Variants in TMEM183A observed in about 807,000 individuals in gnomAD.
TMEM183A encodes chromosome 1 open reading frame 37.
A neutral mutation model predicts 46.7 loss-of-function variants in TMEM183A; 21 were observed. That is an observed-to-expected ratio of 0.45 (90% CI 0.32 to 0.65). The LOEUF is 0.65. TMEM183A is among the 30% of genes least tolerant of loss of function. TMEM183A has a pLI of 0.04. For synonymous variants in TMEM183A, 165 were observed against 180.2 expected, an observed-to-expected ratio of 0.92 and a Z score of 0.68; for missense variants, 331 against 481.9, an observed-to-expected ratio of 0.69 and a Z score of 2.93.
At chr1:203,010,132 C>CT (rs1164507406) in intron 3 of TMEM183A, among the ~76,000 whole-genome samples, 4 of 122,834 alleles carry the variant, frequency 3.3e-5, no homozygotes, top group Non-Finnish European at 5.2e-5. Flanking sequence ...GAGCAAGACT[C>CT]TGTCTCAAAA....
intron 6 of TMEM183A, 142 bp from the exon 7 acceptor site, chr1:203,020,651 T>TATA (rs1657571562): frequency 3.8e-6 from 4 of 1,039,166 alleles, no homozygotes; most frequent in Non-Finnish European, 4.1e-6. Flanking sequence ...TTCTTTGATC[T>TATA]CTGTATAGAA....
At position 203,016,023 on chromosome 1, in the gene TMEM183A, C is replaced by G. The variant is rs1200924982; in HGVS notation, c.591C>G (p.Arg197=). 2.5e-6 allele frequency: 4 copies of G among 1,613,960 alleles called. No individual in the cohort carries two copies. The highest frequency in any genetic ancestry group is 3.4e-6 in the Non-Finnish European group (4 of 1,179,918). The part of the protein sequence containing the change: ...RLRPESMEKL[R]CLRACVIRSL... ...GACCAGAGTCAATGGAGAAGCTGCG[C>G]TGTCTCCGGGCTTGTGTGATCCGAT... Residue 197 remains arginine, a synonymous_variant, in exon 5 of 8, where the codon CGC becomes CGG. Coordinates refer to ENST00000367242, the MANE Select transcript of TMEM183A (RefSeq NM_138391.6).
At position 203,020,891 on chromosome 1, in the gene TMEM183A, G is replaced by A. The variant is rs369710855; in HGVS notation, c.888G>A (p.Gln296=). 118 of 1,613,404 alleles carry A rather than the reference G, an allele frequency of 7.3e-5. No homozygotes were observed. The highest frequency in any genetic ancestry group is 9.7e-5 in the Non-Finnish European group (115 of 1,179,926). The change falls in exon 7 of 8, where the codon CAG becomes CAA. Residue 296 remains glutamine (Q), a synonymous_variant. Transcript: ENST00000367242. ...TNPDQDCCLL[Q]VTTLNFIFIP... Reference sequence around the variant, plus strand: ...CAGACCAGGACTGCTGCCTACTGCAGGTCACCACCCTCAATTTCATCTTTA... The same window carrying A: ...CAGACCAGGACTGCTGCCTACTGCAAGTCACCACCCTCAATTTCATCTTTA...
chr1:203,012,148 T>TCACACACACA (rs767000280), intron 3 of TMEM183A, among the ~76,000 whole-genome samples: 2,096 of 79,430 alleles, frequency 0.026, 254 homozygotes, highest in Non-Finnish European at 0.034. Flanking sequence ...CCCCACTCCA[T>TCACACACACA]CACACACACA....
rs749115582 is a variant in TMEM183A, at chr1:203,007,550, G to A, written c.85G>A (p.Ala29Thr). The A allele has an allele frequency of 6.5e-7, 1 of 1,547,932 alleles. No homozygotes were observed. The highest frequency in any genetic ancestry group is 8.7e-7 in the Non-Finnish European group (1 of 1,152,728). Reference sequence around the variant, plus strand: ...GAGAGGAAAGCGACTCAAGTTCCGGGCCCACGACGCCTGCTCCGGCCGAGG... The same window carrying A: ...GAGAGGAAAGCGACTCAAGTTCCGGACCCACGACGCCTGCTCCGGCCGAGG... ...PKRGKRLKFR[A>T]HDACSGRVTV... The change falls in exon 1 of 8, where the codon GCC (alanine) becomes ACC (threonine). Residue 29 changes from alanine to threonine, a missense_variant. Physicochemically the swap from Ala to Thr is moderately conservative, Grantham distance 58. Around this residue, in one of 2 missense-constraint regions of TMEM183A, gnomAD observed 98 missense variants for 96.1 expected, o/e 1.02. Coordinates refer to ENST00000367242, the MANE Select transcript of TMEM183A (RefSeq NM_138391.6).
intron 5 of TMEM183A, among the ~76,000 whole-genome samples, chr1:203,017,079 T>C (rs1657236849): frequency 6.6e-6 from 1 of 152,216 alleles, no homozygotes; most frequent in African/African-American, 2.4e-5. Context: ...ATTATCGAGG[T>C]TCCCCCCAGC....
chr1:203,019,139 A>G (rs1041761711), intron 6 of TMEM183A, among the ~76,000 whole-genome samples: 4 of 152,220 alleles, frequency 2.6e-5, no homozygotes, highest in Admixed American at 2.6e-4. Flanking sequence ...GGAAATGCCT[A>G]TTGGAGCATT....
At chr1:203,016,835 C>T (rs1449958243) in intron 5 of TMEM183A, among the ~76,000 whole-genome samples, 1 of 152,110 alleles carries the variant, frequency 6.6e-6, no homozygotes. Context: ...GTCTACTAGC[C>T]TTTGGTCCAT....
intron 7 of TMEM183A, among the ~76,000 whole-genome samples, chr1:203,021,195 G>A (rs1325488322): frequency 6.6e-6 from 1 of 151,904 alleles, no homozygotes; most frequent in African/African-American, 2.4e-5. Flanking sequence ...ACCACCCCTA[G>A]CTAATTTTTA....
At chr1:203,008,537 G>GTT (rs3834027) in intron 2 of TMEM183A, 106 bp from the exon 3 acceptor site, 427 of 943,318 alleles carry the variant, frequency 4.5e-4, no homozygotes, top group Non-Finnish European at 5.1e-4. Flanking sequence ...TCTCAACGAT[G>GTT]TTTTTTTTCC....
intron 5 of TMEM183A, 156 bp downstream of exon 5, chr1:203,016,296 C>A: frequency 1.9e-6 from 2 of 1,027,476 alleles, no homozygotes; most frequent in Non-Finnish European, 2.8e-6. Context: ...TTCACTTCTC[C>A]AAGACCTTTC....
At chr1:203,020,680 G>C in intron 6 of TMEM183A, 113 bp from the exon 7 acceptor site, 1 of 1,311,638 alleles carries the variant, frequency 7.6e-7, no homozygotes, top group South Asian at 1.4e-5. Flanking sequence ...AAAGAGAGAA[G>C]ATAAAAGTGT....
At chr1:203,009,164 G>T (rs553463469) in intron 3 of TMEM183A, among the ~76,000 whole-genome samples, 3 of 152,314 alleles carry the variant, frequency 2.0e-5, no homozygotes. Context: ...GAATGTGTAA[G>T]GAAGCAGAGA....
intron 3 of TMEM183A, among the ~76,000 whole-genome samples, chr1:203,012,401 A>G (rs1383086579): frequency 6.6e-6 from 1 of 152,210 alleles, no homozygotes; most frequent in Non-Finnish European, 1.5e-5. Flanking sequence ...TGTTATTAAA[A>G]TCTTGTTAGA....
In TMEM183A at chr1:203,007,804, C is replaced by T; in HGVS notation, c.140C>T (p.Pro47Leu). The change falls in exon 2 of 8, where the codon CCG becomes CTG. Residue 47 changes from proline to leucine, a missense_variant. By Grantham distance (98) the Pro-to-Leu change is moderately conservative (BLOSUM62 -3). Around this residue, in one of 2 missense-constraint regions of TMEM183A, gnomAD observed 98 missense variants for 96.1 expected, o/e 1.02. Transcript: ENST00000367242. ...GTGGCGGATTACGCCAACTCGGATC[C>T]GGCGGTCGTGAGGTCTGGACGAGTC... ...VTVADYANSD[P>L]AVVRSGRVKK... 3 of 1,613,994 alleles carry T rather than the reference C, an allele frequency of 1.9e-6. No individual in the cohort carries two copies. Among genetic ancestry groups the T allele is most frequent in the South Asian group, 1.1e-5 (1 of 91,076 alleles).
At chr1:203,016,179 C>G in intron 5 of TMEM183A, 39 bp downstream of exon 5, 2 of 1,612,978 alleles carry the variant, frequency 1.2e-6, no homozygotes, top group Middle Eastern at 1.6e-4. Context: ...CTAATGAACT[C>G]TTGTATGGTA....
intron 5 of TMEM183A, among the ~76,000 whole-genome samples, chr1:203,017,224 G>A (rs891810687): frequency 3.9e-5 from 6 of 151,922 alleles, no homozygotes; most frequent in Non-Finnish European, 7.4e-5. Context: ...TAATATGAGT[G>A]GACAGTGTAT....
In TMEM183A at chr1:203,014,858, A is replaced by G. The variant is rs766257917; in HGVS notation, c.368-31A>G. ...CGAGTATCTTTAGATATGGTGTAGA[A>G]GATCAGAGATTATTCTTTTTTTTGT... On this transcript the variant is annotated intron_variant, in intron 3 of 7. Transcript: ENST00000367242. 1.1e-5 allele frequency: 17 copies of G among 1,610,044 alleles called. No individual in the cohort carries two copies. In the Admixed American group the frequency reaches 2.8e-4, roughly 27 times the overall value.
chr1:203,009,770 T>A (rs1656370040), intron 3 of TMEM183A, among the ~76,000 whole-genome samples: 1 of 152,138 alleles, frequency 6.6e-6, no homozygotes, highest in South Asian at 2.1e-4. Flanking sequence ...AGGCATAAGC[T>A]ACCATGCTTA....
Sources: gnomAD v4.1 joint callset for allele counts (sites outside exome capture counted in the v4.1 genomes callset) on GRCh38, gnomAD v4.1.1 for gene constraint, gnomAD v4.1.1 regional missense constraint, MANE v1.5 for transcripts, NCBI Gene and HGNC (gene_info 2026-07-23, HGNC 2026-07-21) for gene names.